Variants in C12orf42 observed in about 807,000 individuals in gnomAD.
C12orf42 encodes chromosome 12 open reading frame 42, also known as uncharacterized protein C12orf42.
C12orf42 carries 25 observed loss-of-function variants against 21.6 expected under a neutral mutation model. The ratio of observed to expected loss-of-function variants is 1.16; its 90% CI spans 0.84 to 1.62. The LOEUF is 1.62. Ranked by LOEUF, C12orf42 falls within the 40% of genes most tolerant of loss-of-function variation. The probability of loss-of-function intolerance (pLI) is 0.00; values close to 1 mark genes in which losing one functional copy is unlikely to be tolerated. For missense variants in C12orf42, 483 were observed against 459.3 expected (o/e 1.05, Z -0.47); for synonymous variants, 174 against 175.0 (o/e 0.99, Z 0.05).
At chr12:103,179,693 A>C in the C12orf42 span, among the ~76,000 whole-genome samples, 1 of 152,236 alleles carries the variant, frequency 6.6e-6, no homozygotes, top group African/African-American at 2.4e-5. Context: ...GATCAGATCT[A>C]AATTTAGTTA....
the C12orf42 span, among the ~76,000 whole-genome samples, chr12:103,100,521 T>A: frequency 6.6e-6 from 1 of 152,230 alleles, no homozygotes; most frequent in South Asian, 2.1e-4. Context: ...TAATGAGCTC[T>A]GAATGCCCAT....
At chr12:103,092,823 T>TTCACAG in the C12orf42 span, among the ~76,000 whole-genome samples, 3,504 of 152,276 alleles carry the variant, frequency 0.023, 60 homozygotes, top group African/African-American at 0.046. Flanking sequence ...CCAAACCCTT[T>TTCACAG]TCCTCAACCT....
chr12:103,089,264 A>T, the C12orf42 span, among the ~76,000 whole-genome samples: 1 of 152,124 alleles, frequency 6.6e-6, no homozygotes. Flanking sequence ...CACTCACCTT[A>T]GCAGCTCCTG....
the C12orf42 span, among the ~76,000 whole-genome samples, chr12:103,502,413 C>T: frequency 6.6e-6 from 1 of 152,158 alleles, no homozygotes; most frequent in Non-Finnish European, 1.5e-5. Context: ...CTTCAGCTGG[C>T]CCTTAAGGAA....
chr12:103,118,148 C>A, the C12orf42 span, among the ~76,000 whole-genome samples: 1 of 152,170 alleles, frequency 6.6e-6, no homozygotes, highest in South Asian at 2.1e-4. Flanking sequence ...ACTTTCCTTG[C>A]CACTACAATG....
chr12:103,242,630 T>C (rs932620274), intron 10 of C12orf42, among the ~76,000 whole-genome samples: 1 of 152,144 alleles, frequency 6.6e-6, no homozygotes, highest in Admixed American at 6.6e-5. Context: ...TGCAATAAAA[T>C]AAGCATCAGA....
At chr12:103,493,722 CAAAA>C (rs34431365) in intron 1 of C12orf42, among the ~76,000 whole-genome samples, 2 of 103,682 alleles carry the variant, frequency 1.9e-5, no homozygotes, top group Non-Finnish European at 2.0e-5. Context: ...AAAGGGGAGA[CAAAA>C]AAAAAAAAAA....
At chr12:103,541,893 G>A in the C12orf42 span, among the ~76,000 whole-genome samples, 1 of 152,122 alleles carries the variant, frequency 6.6e-6, no homozygotes, top group Non-Finnish European at 1.5e-5. Flanking sequence ...TGGAAAATCA[G>A]TGATGGTTAC....
the C12orf42 span, among the ~76,000 whole-genome samples, chr12:103,110,441 G>A: frequency 5.0e-3 from 757 of 152,250 alleles, 1 homozygote; most frequent in Non-Finnish European, 5.9e-3. Context: ...GGTTATCTCT[G>A]GGAATGAAGA....
intron 2 of C12orf42, among the ~76,000 whole-genome samples, chr12:103,451,044 A>C (rs1259251377): frequency 6.6e-6 from 1 of 151,950 alleles, no homozygotes; most frequent in Non-Finnish European, 1.5e-5. Context: ...TCCTCTCTCT[A>C]TATCATTGTC....
chr12:103,541,531 A>G, the C12orf42 span, among the ~76,000 whole-genome samples: 1 of 152,218 alleles, frequency 6.6e-6, no homozygotes, highest in South Asian at 2.1e-4. Flanking sequence ...CGCCAGTTGT[A>G]TAAAAGTATA....
At chr12:103,081,703 A>G in the C12orf42 span, among the ~76,000 whole-genome samples, 50 of 152,182 alleles carry the variant, frequency 3.3e-4, no homozygotes, top group African/African-American at 1.1e-3. Flanking sequence ...TTAGCTTTCA[A>G]TGTTGCTTTT....
At chr12:103,079,163 T>A in the C12orf42 span, among the ~76,000 whole-genome samples, 3 of 151,990 alleles carry the variant, frequency 2.0e-5, no homozygotes, top group African/African-American at 7.2e-5. Flanking sequence ...AATTACATCA[T>A]GTAATTTTAT....
the C12orf42 span, among the ~76,000 whole-genome samples, chr12:103,051,609 A>G: frequency 1.3e-5 from 2 of 152,320 alleles, no homozygotes; most frequent in East Asian, 3.9e-4. Flanking sequence ...CCAATTATAA[A>G]AAGCCATCCG....
the C12orf42 span, among the ~76,000 whole-genome samples, chr12:103,163,910 T>G: frequency 6.6e-6 from 1 of 152,218 alleles, no homozygotes; most frequent in Non-Finnish European, 1.5e-5. Flanking sequence ...TATTCTCATC[T>G]GGGGAAAAAG....
chr12:103,059,002 C>T, the C12orf42 span, among the ~76,000 whole-genome samples: 38 of 152,106 alleles, frequency 2.5e-4, no homozygotes, highest in East Asian at 4.4e-3. Context: ...GAGATAGAGA[C>T]ATGAAAAACC....
chr12:103,112,838 T>C, the C12orf42 span, among the ~76,000 whole-genome samples: 1 of 152,294 alleles, frequency 6.6e-6, no homozygotes, highest in South Asian at 2.1e-4. Context: ...ACTTCTCTTC[T>C]ATTATCCCAT....
chr12:103,150,273 C>T, the C12orf42 span, among the ~76,000 whole-genome samples: 1 of 152,048 alleles, frequency 6.6e-6, no homozygotes, highest in Non-Finnish European at 1.5e-5. Context: ...AGTAACATCC[C>T]CTCCATCAGG....
intron 4 of C12orf42, among the ~76,000 whole-genome samples, chr12:103,278,977 G>T (rs1258237516): frequency 6.6e-6 from 1 of 152,172 alleles, no homozygotes; most frequent in East Asian, 1.9e-4. Context: ...GGCAGTATTT[G>T]TCCTTCTGTG....
Sources: gnomAD v4.1 joint callset for allele counts (sites outside exome capture counted in the v4.1 genomes callset) on GRCh38, gnomAD v4.1.1 for gene constraint, MANE v1.5 for transcripts, NCBI Gene and HGNC (gene_info 2026-07-23, HGNC 2026-07-21) for gene names.